The following SMARCA2 variants were observed in gnomAD, a reference collection of about 807,000 sequenced individuals.
SMARCA2 encodes the protein SWI/SNF related BAF chromatin remodeling complex subunit ATPase 2, also known as SWI/SNF-related matrix-associated actin-dependent regulator of chromatin subfamily A member 2.
Under a neutral mutation model 199.8 loss-of-function variants are expected in SMARCA2, and 61 were observed. That is an observed-to-expected ratio of 0.31 (90% CI 0.25 to 0.38). The LOEUF (loss-of-function observed/expected upper bound fraction) is 0.38. Among genes scored for constraint, SMARCA2 ranks in the 10% least tolerant of loss-of-function variants. The probability of loss-of-function intolerance (pLI) is 1.00; values close to 1 mark genes in which losing one functional copy is unlikely to be tolerated. For missense variants in SMARCA2, 1,344 were observed against 2,012.2 expected (o/e 0.67, Z 6.35); for synonymous variants, 935 against 732.0 (o/e 1.28, Z -4.48).
intron 32 of SMARCA2, among the ~76,000 whole-genome samples, chr9:2,187,495 G>T (rs1827552804): frequency 6.6e-6 from 1 of 152,172 alleles, no homozygotes. Flanking sequence ...AACATAGCAA[G>T]ACCCTATCTC....
chr9:2,062,053 C>T (rs997408342), intron 9 of SMARCA2, among the ~76,000 whole-genome samples: 10 of 152,058 alleles, frequency 6.6e-5, no homozygotes, highest in African/African-American at 2.4e-4. Flanking sequence ...AGCTCCAATT[C>T]CTACCTTAAA....
At position 2,039,613 on chromosome 9, in the gene SMARCA2, A is replaced by G. The variant is rs1470542880; in HGVS notation, c.503A>G (p.Asn168Ser). The G allele has an allele frequency of 1.6e-5, 26 of 1,614,104 alleles. No individual in the cohort carries two copies. The highest frequency in any genetic ancestry group is 2.2e-5 in the Non-Finnish European group (26 of 1,180,050). ...PGDPQAMSQP[N>S]RGPSPFSPVQ... ...GATCCGCAGGCCATGAGCCAGCCCA[A>G]CAGAGGTCCCTCACCTTTCAGTCCT... The change falls in exon 4 of 34, where the codon AAC (asparagine) becomes AGC (serine). Residue 168 changes from asparagine (N) to serine (S), a missense_variant. Physicochemically the swap from Asn to Ser is conservative, Grantham distance 46. Transcript: ENST00000349721. The surrounding 1 kb of genome is among the most constrained non-coding windows in gnomAD (Gnocchi z 4.8).
chr9:2,165,634 C>G (rs1264307732), intron 28 of SMARCA2, among the ~76,000 whole-genome samples: 1 of 152,144 alleles, frequency 6.6e-6, no homozygotes, highest in Non-Finnish European at 1.5e-5. Flanking sequence ...TATTTAGAAG[C>G]TTTTAAAAAC....
intron 25 of SMARCA2, among the ~76,000 whole-genome samples, chr9:2,116,404 A>T (rs1241994678): frequency 2.0e-5 from 3 of 152,158 alleles, no homozygotes; most frequent in African/African-American, 4.8e-5. Flanking sequence ...CAAGACATAA[A>T]TGGAAGGGGT....
intron 27 of SMARCA2, among the ~76,000 whole-genome samples, chr9:2,159,165 C>G (rs574248034): frequency 1.3e-5 from 2 of 152,298 alleles, no homozygotes; most frequent in South Asian, 4.1e-4. Context: ...CTTTTTCCCT[C>G]TTTTCAAAAT....
In SMARCA2 at chr9:2,086,542, G is replaced by A. The variant is rs1016877257; in HGVS notation, c.2527-287G>A. On this transcript the variant is annotated intron_variant, in intron 17 of 33. Transcript: ENST00000349721. The surrounding 1 kb of genome is among the most constrained non-coding windows in gnomAD (Gnocchi z 4.3). The stretch of plus-strand genomic sequence containing the variant: ...TGGGGAGAGGCAGGATCCACACGTG[G>A]AAACAACCATGTCATTCTGGACCCA... Among the ~76,000 whole-genome samples, 2 of 152,218 alleles carry A rather than the reference G, an allele frequency of 1.3e-5. No homozygotes were observed. Among genetic ancestry groups the A allele is most frequent in the Non-Finnish European group, 2.9e-5 (2 of 68,034 alleles).
intron 29 of SMARCA2, among the ~76,000 whole-genome samples, chr9:2,175,277 C>A (rs560064972): frequency 6.6e-6 from 1 of 152,042 alleles, no homozygotes; most frequent in African/African-American, 2.4e-5. Context: ...CAAATCTACT[C>A]AAAAACATTT....
At chr9:2,040,228 C>CTTAG (rs1819547237) in intron 4 of SMARCA2, 2 of 523,700 alleles carry the variant, frequency 3.8e-6, no homozygotes, top group African/African-American at 1.9e-5. Context: ...AACCTCTGGA[C>CTTAG]TTAGTGCATT....
intron 1 of SMARCA2, among the ~76,000 whole-genome samples, chr9:2,024,016 T>G (rs1426849096): frequency 1.3e-5 from 2 of 152,194 alleles, no homozygotes; most frequent in East Asian, 3.8e-4. Context: ...ATATTCCACC[T>G]TTAACCTGGA....
At chr9:2,118,056 T>G (rs936194948) in intron 25 of SMARCA2, among the ~76,000 whole-genome samples, 3 of 152,198 alleles carry the variant, frequency 2.0e-5, no homozygotes, top group African/African-American at 7.2e-5. Flanking sequence ...ACAGGCACTT[T>G]ACAAGAGAAT....
At chr9:2,144,739 G>C (rs1035920249) in intron 27 of SMARCA2, among the ~76,000 whole-genome samples, 2 of 152,160 alleles carry the variant, frequency 1.3e-5, no homozygotes, top group African/African-American at 4.8e-5. Flanking sequence ...CTCCAGGGGG[G>C]CAGTAGTGAA....
chr9:2,049,772 T>G (rs1820037137), intron 5 of SMARCA2, among the ~76,000 whole-genome samples: 1 of 152,230 alleles, frequency 6.6e-6, no homozygotes, highest in African/African-American at 2.4e-5. Context: ...TTAAATGAAG[T>G]CCCTTAGGCA....
Position 2,086,770 on chromosome 9 carries a change from T to A in SMARCA2, c.2527-59T>A. On this transcript the variant is annotated intron_variant, in intron 17 of 33. Coordinates refer to ENST00000349721, the MANE Select transcript of SMARCA2 (RefSeq NM_003070.5). The surrounding 1 kb of genome is among the most constrained non-coding windows in gnomAD (Gnocchi z 4.3). Reference sequence around the variant, plus strand: ...GTTTTCCGCACCACCACTTGCTTGTTGGAAATAGTTGTATTTTCCCTTGCT... The same window carrying A: ...GTTTTCCGCACCACCACTTGCTTGTAGGAAATAGTTGTATTTTCCCTTGCT... 6.3e-7 allele frequency: 1 copy of A among 1,595,438 alleles called. No homozygotes were observed. The highest frequency in any genetic ancestry group is 8.6e-7 in the Non-Finnish European group (1 of 1,168,384).
rs763278307 is a variant in SMARCA2, at chr9:2,192,672, A to C, written c.4738-32A>C. 3 of 1,493,230 alleles carry C rather than the reference A, an allele frequency of 2.0e-6. No homozygotes were observed. The Admixed American group carries it at 5.0e-5, about 25-fold the overall frequency. The allele number at this position is 1,493,230 out of a possible 1,614,324, so 92.5% of individuals were successfully genotyped here. A position where few individuals can be genotyped will look rare whatever the true frequency, so the allele number is the denominator to read the frequency against. ...TCTTCTTTTTCTTGCATGTGATGTT[A>C]CTTCATTTTATCTTCTTATTTTTAC... On this transcript the variant is annotated intron_variant, in intron 33 of 33. Transcript: ENST00000349721.
At chr9:2,080,336 C>G (rs1472066173) in intron 14 of SMARCA2, among the ~76,000 whole-genome samples, 1 of 152,202 alleles carries the variant, frequency 6.6e-6, no homozygotes, top group Admixed American at 6.5e-5. Context: ...CAAATTACTT[C>G]CCACAATTTT....
chr9:2,130,350 T>A (rs1823887360), intron 27 of SMARCA2, among the ~76,000 whole-genome samples: 1 of 152,212 alleles, frequency 6.6e-6, no homozygotes, highest in South Asian at 2.1e-4. Flanking sequence ...GTCCTCGGCC[T>A]TGTCGTGGCC....
intron 27 of SMARCA2, among the ~76,000 whole-genome samples, chr9:2,132,729 T>C (rs1824018582): frequency 6.6e-6 from 1 of 152,236 alleles, no homozygotes; most frequent in Non-Finnish European, 1.5e-5. Flanking sequence ...TTTTGCCAAA[T>C]TCCAAGTCCT....
intron 29 of SMARCA2, among the ~76,000 whole-genome samples, chr9:2,173,277 CA>C (rs1341255740): frequency 1.3e-5 from 2 of 152,312 alleles, no homozygotes; most frequent in South Asian, 2.1e-4. Context: ...TGGCCATTAG[CA>C]GCCCTTGATG....
intron 1 of SMARCA2, among the ~76,000 whole-genome samples, chr9:2,021,300 A>G (rs946077246): frequency 3.3e-5 from 5 of 152,006 alleles, no homozygotes; most frequent in Non-Finnish European, 5.9e-5. Context: ...TCCCTCCTTT[A>G]AAAAAAACAA....
Sources: allele counts gnomAD v4.1 joint callset (sites outside exome capture counted in the v4.1 genomes callset), GRCh38; gene constraint gnomAD v4.1.1; non-coding constraint Gnocchi (gnomAD v3.1); transcripts MANE v1.5; gene names NCBI Gene and HGNC (gene_info 2026-07-23, HGNC 2026-07-21).